Variants in ENPEP observed in about 807,000 individuals in gnomAD.
The protein encoded by ENPEP is AP-A.
In ENPEP, 103 loss-of-function variants were observed where a neutral mutation model predicts 114.5. The ratio of observed to expected loss-of-function variants is 0.90; its 90% CI spans 0.77 to 1.06. The LOEUF is 1.06. Among genes scored for constraint, ENPEP ranks in the 50% least tolerant of loss-of-function variants. The pLI is 0.00. For missense variants in ENPEP, 1,196 were observed against 1,161.3 expected (o/e 1.03, Z -0.43); for synonymous variants, 420 against 422.0 (o/e 1.00, Z 0.06).
chr4:110,519,178 C>G (rs1384270985), intron 8 of ENPEP: 4 of 452,268 alleles, frequency 8.8e-6, no homozygotes, highest in South Asian at 3.1e-5. Flanking sequence ...TGGAGTCCTT[C>G]TAATACTGTT....
At chr4:110,521,053 A>G (rs1725968360) in intron 10 of ENPEP, among the ~76,000 whole-genome samples, 1 of 152,180 alleles carries the variant, frequency 6.6e-6, no homozygotes, top group Admixed American at 6.5e-5. Flanking sequence ...CTCCCTCATT[A>G]TGTTATTTGC....
chr4:110,517,878 C>CA (rs1725840113), intron 8 of ENPEP, among the ~76,000 whole-genome samples: 1 of 152,134 alleles, frequency 6.6e-6, no homozygotes, highest in South Asian at 2.1e-4. Context: ...ACCCTCAGAC[C>CA]AACTGGAACA....
chr4:110,520,387 GA>G (rs746164941), intron 10 of ENPEP, 21 bp downstream of exon 10: 13 of 1,608,728 alleles, frequency 8.1e-6, no homozygotes, highest in Non-Finnish European at 1.0e-5. Flanking sequence ...ATAATGCATT[GA>G]AAAAAACACA....
At chr4:110,477,698 C>G (rs1724164439) in intron 1 of ENPEP, among the ~76,000 whole-genome samples, 1 of 152,176 alleles carries the variant, frequency 6.6e-6, no homozygotes, top group Non-Finnish European at 1.5e-5. Context: ...GTCCACACAT[C>G]AGTGGCATAG....
At chr4:110,484,262 A>G (rs1724419584) in intron 1 of ENPEP, among the ~76,000 whole-genome samples, 2 of 152,232 alleles carry the variant, frequency 1.3e-5, no homozygotes, top group East Asian at 1.9e-4. Context: ...GAGGCTATAC[A>G]TGCTCTGGTG....
intron 11 of ENPEP, 34 bp from the exon 12 acceptor site, chr4:110,542,717 C>A: frequency 6.3e-7 from 1 of 1,575,702 alleles, no homozygotes; most frequent in Non-Finnish European, 8.6e-7. Context: ...TGCATGCAAA[C>A]ATGTTGCTCA....
At chr4:110,549,672 GA>G (rs1203558981) in intron 16 of ENPEP, 40 bp downstream of exon 16, 1 of 1,612,844 alleles carries the variant, frequency 6.2e-7, no homozygotes, top group East Asian at 2.2e-5. Context: ...ACACATTTGA[GA>G]AAAGAGTAGT....
At chr4:110,478,900 T>A (rs1327648961) in intron 1 of ENPEP, among the ~76,000 whole-genome samples, 1 of 152,250 alleles carries the variant, frequency 6.6e-6, no homozygotes, top group African/African-American at 2.4e-5. Flanking sequence ...TATGTGCATC[T>A]GTTTATTTCC....
chr4:110,478,064 A>G (rs1724180971), intron 1 of ENPEP, among the ~76,000 whole-genome samples: 1 of 152,178 alleles, frequency 6.6e-6, no homozygotes, highest in African/African-American at 2.4e-5. Context: ...AATGATTAAG[A>G]AAGCTTCTTG....
At chr4:110,477,662 A>G (rs552545823) in intron 1 of ENPEP, among the ~76,000 whole-genome samples, 69 of 152,254 alleles carry the variant, frequency 4.5e-4, no homozygotes, top group Non-Finnish European at 8.4e-4. Context: ...TGCTTTACAC[A>G]TAGGCTTTCA....
At chr4:110,530,886 G>A (rs1211974508) in intron 10 of ENPEP, among the ~76,000 whole-genome samples, 2 of 152,144 alleles carry the variant, frequency 1.3e-5, no homozygotes, top group Admixed American at 6.5e-5. Flanking sequence ...ATAATAAGAT[G>A]TATTATATTT....
intron 1 of ENPEP, among the ~76,000 whole-genome samples, chr4:110,479,054 A>G (rs1321877471): frequency 6.6e-6 from 1 of 152,234 alleles, no homozygotes. Flanking sequence ...AGAAAATTAT[A>G]GGAAAACATA....
chr4:110,481,215 T>A (rs1471538761), intron 1 of ENPEP, among the ~76,000 whole-genome samples: 5 of 151,948 alleles, frequency 3.3e-5, no homozygotes, highest in Non-Finnish European at 7.4e-5. Context: ...TACAAAATGA[T>A]CTGTTTTGGA....
chr4:110,535,756 G>A (rs1726592184), intron 11 of ENPEP, among the ~76,000 whole-genome samples: 1 of 152,194 alleles, frequency 6.6e-6, no homozygotes, highest in Non-Finnish European at 1.5e-5. Context: ...GGAGGCCAAG[G>A]CAGGTGGATC....
chr4:110,551,915 T>G (rs984337985), intron 17 of ENPEP, among the ~76,000 whole-genome samples: 1 of 152,148 alleles, frequency 6.6e-6, no homozygotes, highest in African/African-American at 2.4e-5. Context: ...GTTTACCTAT[T>G]TTGGTCTGGG....
At chr4:110,495,590 G>T (rs1318424743) in intron 3 of ENPEP, among the ~76,000 whole-genome samples, 1 of 152,102 alleles carries the variant, frequency 6.6e-6, no homozygotes, top group Admixed American at 6.5e-5. Context: ...GCGTGATGGT[G>T]TGTGCCTGTA....
At chr4:110,528,396 G>C (rs563217758) in intron 10 of ENPEP, among the ~76,000 whole-genome samples, 3 of 152,100 alleles carry the variant, frequency 2.0e-5, no homozygotes, top group African/African-American at 7.2e-5. Flanking sequence ...ACCCATAAAG[G>C]AATTAGCTTT....
At position 110,481,604 on chromosome 4, in the gene ENPEP, C is replaced by T. The variant is rs111259187; in HGVS notation, c.644+4546C>T. ...AATGCTGGGACACATTGCATTACCA[C>T]AGCTTCTCTCCCATAAACGAGCCTA... On this transcript the variant is annotated intron_variant, in intron 1 of 19. Coordinates refer to ENST00000265162, the MANE Select transcript of ENPEP (RefSeq NM_001977.4). 5.9e-3 allele frequency among the ~76,000 whole-genome samples: 898 copies of T among 152,310 alleles called. 10 individuals carry two copies. Among genetic ancestry groups the T allele is most frequent in the African/African-American group, 0.021 (863 of 41,560 alleles).
Position 110,476,977 on chromosome 4 carries a change from T to C in ENPEP, c.563T>C (p.Leu188Pro), listed in dbSNP as rs1029770549. The C allele has an allele frequency of 1.9e-6, 3 of 1,614,214 alleles. No individual in the cohort carries two copies. Among genetic ancestry groups the C allele is most frequent in the Non-Finnish European group, 2.5e-6 (3 of 1,180,026 alleles). ...TPSSGDGLYL[L>P]TMEFAGWLNG... Reference sequence around the variant, plus strand: ...AGCAGTGGAGATGGCCTGTATCTCCTGACCATGGAGTTCGCCGGCTGGCTG... The same window carrying C: ...AGCAGTGGAGATGGCCTGTATCTCCCGACCATGGAGTTCGCCGGCTGGCTG... Residue 188 changes from leucine (L) to proline (P), a missense_variant, in exon 1 of 20, where the codon CTG becomes CCG. By Grantham distance (98) the Leu-to-Pro change is moderately conservative. Transcript: ENST00000265162.
Sources: gnomAD v4.1 joint callset for allele counts (sites outside exome capture counted in the v4.1 genomes callset) on GRCh38, gnomAD v4.1.1 for gene constraint, MANE v1.5 for transcripts, NCBI Gene and HGNC (gene_info 2026-07-23, HGNC 2026-07-21) for gene names.